Variants in CPNE8 observed in about 807,000 individuals in gnomAD.
The protein encoded by CPNE8 is copine 8.
In CPNE8, 45 loss-of-function variants were observed where a neutral mutation model predicts 81.5. The ratio of observed to expected loss-of-function variants is 0.55; its 90% CI spans 0.44 to 0.71. CPNE8 has a LOEUF of 0.71. Ranked by LOEUF, CPNE8 falls within the 30% of genes least tolerant of loss-of-function variation. CPNE8 has a pLI of 0.00. For missense variants in CPNE8, 594 were observed against 672.1 expected, an observed-to-expected ratio of 0.88 and a Z score of 1.28; for synonymous variants, 252 against 226.3, an observed-to-expected ratio of 1.11 and a Z score of -1.02.
chr12:38,814,788 T>C (rs1280459529), intron 6 of CPNE8, among the ~76,000 whole-genome samples: 1 of 152,148 alleles, frequency 6.6e-6, no homozygotes, highest in Non-Finnish European at 1.5e-5. Context: ...TAAACTATAG[T>C]AACACTAATT....
intron 10 of CPNE8, among the ~76,000 whole-genome samples, chr12:38,737,749 C>T (rs540903913): frequency 5.9e-4 from 89 of 152,134 alleles, no homozygotes; most frequent in Middle Eastern, 3.4e-3. Flanking sequence ...GAGTCCATAA[C>T]TTTTTGAACC....
chr12:38,693,781 T>C lies in CPNE8; in HGVS notation c.1019A>G (p.Tyr340Cys). Residue 340 changes from tyrosine to cysteine, a missense_variant, in exon 15 of 20, where the codon TAT becomes TGT. By Grantham distance (194) the Tyr-to-Cys change is radical. Transcript: ENST00000331366. ...HYMNPYQLNA[Y>C]GMALKAVGEI... ...TCCCACTGCTTTTAGTGCCATACCATAGGCATTCAGTTGGTAAGGATTCAT... is the reference window on the plus strand; with the variant it reads ...TCCCACTGCTTTTAGTGCCATACCACAGGCATTCAGTTGGTAAGGATTCAT... The C allele has an allele frequency of 6.2e-7, 1 of 1,612,950 alleles. No individual in the cohort carries two copies. Among genetic ancestry groups the C allele is most frequent in the Non-Finnish European group, 8.5e-7 (1 of 1,179,406 alleles).
intron 19 of CPNE8, among the ~76,000 whole-genome samples, chr12:38,657,737 A>C (rs1395714576): frequency 6.6e-6 from 1 of 152,162 alleles, no homozygotes; most frequent in East Asian, 1.9e-4. Flanking sequence ...TGCAGCCTCC[A>C]CTGGTGATAC....
intron 6 of CPNE8, among the ~76,000 whole-genome samples, chr12:38,790,739 C>T (rs1445026579): frequency 2.6e-5 from 4 of 151,436 alleles, no homozygotes; most frequent in South Asian, 4.2e-4. Context: ...TATGTACCCA[C>T]AAAAATTAAA....
intron 6 of CPNE8, among the ~76,000 whole-genome samples, chr12:38,777,638 TTA>T (rs1459563116): frequency 1.3e-5 from 2 of 152,314 alleles, no homozygotes; most frequent in East Asian, 3.9e-4. Flanking sequence ...GTATACCATT[TTA>T]TATGTTTACT....
chr12:38,852,975 C>A (rs1943670066), intron 3 of CPNE8, among the ~76,000 whole-genome samples: 1 of 152,050 alleles, frequency 6.6e-6, no homozygotes, highest in African/African-American at 2.4e-5. Flanking sequence ...GTAGAATTTA[C>A]TTTTAAAATC....
intron 6 of CPNE8, among the ~76,000 whole-genome samples, chr12:38,787,134 T>A (rs1942211808): frequency 3.3e-5 from 5 of 152,090 alleles, no homozygotes; most frequent in Admixed American, 3.3e-4. Context: ...AACCTTTTCA[T>A]CCAACAGCTG....
chr12:38,816,967 T>G (rs1011029480), intron 6 of CPNE8, among the ~76,000 whole-genome samples: 1 of 152,226 alleles, frequency 6.6e-6, no homozygotes, highest in African/African-American at 2.4e-5. Context: ...TACCTGGACC[T>G]AAAATGATGC....
chr12:38,774,731 G>A (rs1941889889), intron 7 of CPNE8, among the ~76,000 whole-genome samples: 1 of 152,004 alleles, frequency 6.6e-6, no homozygotes, highest in Admixed American at 6.6e-5. Flanking sequence ...GTACAAATTA[G>A]TAGCAAAACC....
chr12:38,841,442 T>C (rs2137044239), intron 4 of CPNE8, among the ~76,000 whole-genome samples: 1 of 152,316 alleles, frequency 6.6e-6, no homozygotes, highest in South Asian at 2.1e-4. Flanking sequence ...AATGTGTGAC[T>C]CTTGTTTGGA....
chr12:38,669,927 A>G (rs1299486569), intron 19 of CPNE8, among the ~76,000 whole-genome samples: 1 of 152,118 alleles, frequency 6.6e-6, no homozygotes, highest in Non-Finnish European at 1.5e-5. Context: ...ACAAAGAGAC[A>G]CAGAAGCAGT....
At chr12:38,797,157 A>T (rs1318725167) in intron 6 of CPNE8, among the ~76,000 whole-genome samples, 1 of 152,206 alleles carries the variant, frequency 6.6e-6, no homozygotes, top group African/African-American at 2.4e-5. Flanking sequence ...ACCTCTGCAG[A>T]CGTAAATGTC....
intron 5 of CPNE8, among the ~76,000 whole-genome samples, chr12:38,838,988 G>A (rs941740082): frequency 3.3e-5 from 5 of 151,942 alleles, no homozygotes; most frequent in East Asian, 1.9e-4. Context: ...GTTTGACAGC[G>A]TACAACAGTG....
In CPNE8 at chr12:38,730,288, A is replaced by T; in HGVS notation, c.793T>A (p.Tyr265Asn). The T allele has an allele frequency of 6.4e-7, 1 of 1,560,924 alleles. No individual in the cohort carries two copies. ...TAAAATAAAATGCCTCTTACCTCAT[A>T]TACGTTGAATTGTGACTGCCCTCTA... Reference protein sequence around the residue: ...LSRGQSQFNVYEVVNPKKKGK... With the variant: ...LSRGQSQFNVNEVVNPKKKGK... The change falls in exon 11 of 20, where the codon TAT (tyrosine) becomes AAT (asparagine). Residue 265 changes from tyrosine to asparagine, a missense_variant. Transcript: ENST00000331366.
intron 13 of CPNE8, among the ~76,000 whole-genome samples, chr12:38,709,777 T>A (rs1194423426): frequency 6.6e-6 from 1 of 152,186 alleles, no homozygotes; most frequent in Non-Finnish European, 1.5e-5. Flanking sequence ...TCACACCCAC[T>A]AATAAGGTAC....
chr12:38,730,313 A>G lies in CPNE8; in HGVS notation c.768T>C (p.Ser256=), dbSNP rs777183134. 6.3e-7 allele frequency: 1 copy of G among 1,599,038 alleles called. No homozygotes were observed. Among genetic ancestry groups the G allele is most frequent in the Non-Finnish European group, 8.6e-7 (1 of 1,167,788 alleles). Residue 256 remains serine (S), a synonymous_variant, in exon 11 of 20, where the codon TCT becomes TCC. Coordinates refer to ENST00000331366, the MANE Select transcript of CPNE8 (RefSeq NM_153634.3). ...ATACGTTGAATTGTGACTGCCCTCTAGAAAGTTCCCTATAGCTTGTTGTAA... is the reference window on the plus strand; with the variant it reads ...ATACGTTGAATTGTGACTGCCCTCTGGAAAGTTCCCTATAGCTTGTTGTAA... The part of the protein sequence containing the change: ...GEFTTSYREL[S]RGQSQFNVYE...
intron 18 of CPNE8, among the ~76,000 whole-genome samples, chr12:38,672,688 G>C (rs1252602103): frequency 3.3e-5 from 5 of 152,140 alleles, no homozygotes; most frequent in Admixed American, 6.6e-5. Context: ...AAGAAATCTT[G>C]CTTTGAGAAA....
chr12:38,716,146 T>C (rs1307375875), intron 13 of CPNE8, among the ~76,000 whole-genome samples: 2 of 151,980 alleles, frequency 1.3e-5, no homozygotes, highest in African/African-American at 4.8e-5. Context: ...AAAGAAATCA[T>C]AGATGACACA....
Position 38,905,588 on chromosome 12 carries a change from G to T in CPNE8, c.-54C>A, listed in dbSNP as rs1045072128. The T allele has an allele frequency of 5.8e-6, 9 of 1,539,030 alleles. No homozygotes were observed. Among genetic ancestry groups the T allele is most frequent in the Admixed American group, 3.9e-5 (2 of 50,954 alleles). On this transcript the variant is annotated 5_prime_UTR_variant, in exon 1 of 20. Coordinates refer to ENST00000331366, the MANE Select transcript of CPNE8 (RefSeq NM_153634.3). ...GGCGCCCACAACCACAGCTCGGGCG[G>T]ACTGAGGGCTAGCTCCCGTCAGGCG...
Sources: allele counts gnomAD v4.1 joint callset (sites outside exome capture counted in the v4.1 genomes callset), GRCh38; gene constraint gnomAD v4.1.1; transcripts MANE v1.5; gene names NCBI Gene and HGNC (gene_info 2026-07-23, HGNC 2026-07-21).